Variants in PCP4L1 observed in about 807,000 individuals in gnomAD.
PCP4L1 encodes Purkinje cell protein 4-like protein 1.
Under a neutral mutation model 9.6 loss-of-function variants are expected in PCP4L1, and 9 were observed. The ratio of observed to expected loss-of-function variants is 0.94; its 90% confidence interval spans 0.57 to 1.64. The LOEUF is 1.64. PCP4L1 is among the 40% of genes most tolerant of loss of function. The pLI, the probability that PCP4L1 is intolerant of heterozygous loss-of-function variation, is 0.00. For missense variants in PCP4L1, 81 were observed against 80.8 expected (o/e 1.00, Z -0.01); for synonymous variants, 31 against 28.2 (o/e 1.10, Z -0.31).
chr1:161,269,522 T>A (rs991757270), intron 1 of PCP4L1, among the ~76,000 whole-genome samples: 1 of 152,092 alleles, frequency 6.6e-6, no homozygotes, highest in East Asian at 1.9e-4. Flanking sequence ...ATTTAAAAAA[T>A]TATTAGTGTA....
intron 1 of PCP4L1, among the ~76,000 whole-genome samples, chr1:161,262,503 TGAG>T (rs1329393372): frequency 2.0e-5 from 3 of 146,432 alleles, no homozygotes; most frequent in South Asian, 2.1e-4. Flanking sequence ...GTGAGGAAAA[TGAG>T]AACTTGCTCA....
At chr1:161,266,406 G>A (rs1295962516) in intron 1 of PCP4L1, among the ~76,000 whole-genome samples, 1 of 152,196 alleles carries the variant, frequency 6.6e-6, no homozygotes, top group Non-Finnish European at 1.5e-5. Flanking sequence ...CTCAGTGTGG[G>A]GTGAAGGCAC....
intron 1 of PCP4L1, 83 bp downstream of exon 1, chr1:161,259,066 G>C (rs1431302715): frequency 2.0e-6 from 3 of 1,502,190 alleles, no homozygotes; most frequent in Non-Finnish European, 2.7e-6. Flanking sequence ...AGGCGAGGGA[G>C]AGCGAGGCAG....
At chr1:161,283,837 T>C in intron 2 of PCP4L1, 115 bp downstream of exon 2, 1 of 1,078,690 alleles carries the variant, frequency 9.3e-7, no homozygotes, top group East Asian at 2.6e-5. Flanking sequence ...AGAATGTGGA[T>C]AAGTGAAACA....
At chr1:161,275,712 T>C (rs1669688063) in intron 1 of PCP4L1, among the ~76,000 whole-genome samples, 1 of 151,876 alleles carries the variant, frequency 6.6e-6, no homozygotes, top group South Asian at 2.1e-4. Flanking sequence ...CATGAGACTA[T>C]AGAACTTGCC....
chr1:161,260,714 C>G (rs1470176894), intron 1 of PCP4L1, among the ~76,000 whole-genome samples: 9 of 152,158 alleles, frequency 5.9e-5, no homozygotes, highest in Admixed American at 2.0e-4. Context: ...AAAGCCAAGT[C>G]CGCTCCCTCC....
At chr1:161,266,507 A>T (rs1244349842) in intron 1 of PCP4L1, among the ~76,000 whole-genome samples, 1 of 152,166 alleles carries the variant, frequency 6.6e-6, no homozygotes, top group Non-Finnish European at 1.5e-5. Context: ...CTGTTGACTC[A>T]CTGCATACCA....
At chr1:161,264,643 A>C (rs1669499667) in intron 1 of PCP4L1, among the ~76,000 whole-genome samples, 1 of 152,088 alleles carries the variant, frequency 6.6e-6, no homozygotes, top group Non-Finnish European at 1.5e-5. Context: ...AGCCTGGGCA[A>C]CATGACAAAA....
intron 1 of PCP4L1, among the ~76,000 whole-genome samples, chr1:161,282,115 A>ACCATTGAGC (rs1669830761): frequency 6.6e-6 from 1 of 151,688 alleles, no homozygotes; most frequent in Non-Finnish European, 1.5e-5. Context: ...CTGAGTGAAC[A>ACCATTGAGC]AGACTCCGTC....
At chr1:161,278,071 A>G (rs1396991577) in intron 1 of PCP4L1, among the ~76,000 whole-genome samples, 2 of 151,398 alleles carry the variant, frequency 1.3e-5, no homozygotes, top group Non-Finnish European at 3.0e-5. Flanking sequence ...CCTCTCCTGT[A>G]TCATCAGTTT....
intron 1 of PCP4L1, among the ~76,000 whole-genome samples, chr1:161,281,720 G>A (rs1669810641): frequency 1.4e-5 from 2 of 145,104 alleles, no homozygotes; most frequent in East Asian, 2.1e-4. Flanking sequence ...CGGGGCGGCC[G>A]GGCAGAGACG....
At chr1:161,276,763 A>ATTTTT (rs1227716178) in intron 1 of PCP4L1, among the ~76,000 whole-genome samples, 11 of 150,792 alleles carry the variant, frequency 7.3e-5, no homozygotes, top group Non-Finnish European at 1.6e-4. Context: ...ATGTATGTAT[A>ATTTTT]TATATAAAAA....
At chr1:161,275,180 A>C (rs1307278286) in intron 1 of PCP4L1, among the ~76,000 whole-genome samples, 1 of 152,110 alleles carries the variant, frequency 6.6e-6, no homozygotes, top group African/African-American at 2.4e-5. Context: ...TGATATGAGA[A>C]GGAATGTAGA....
chr1:161,262,666 GA>G (rs1340815516), intron 1 of PCP4L1, among the ~76,000 whole-genome samples: 4 of 152,112 alleles, frequency 2.6e-5, no homozygotes, highest in Non-Finnish European at 4.4e-5. Context: ...TTAGCTCTGA[GA>G]ATGTCATCTT....
intron 1 of PCP4L1, among the ~76,000 whole-genome samples, chr1:161,268,584 G>A (rs1216347103): frequency 4.5e-5 from 5 of 112,176 alleles, no homozygotes; most frequent in South Asian, 5.5e-4. Context: ...ATGGAGTCTC[G>A]CTCTTGTTGC....
chr1:161,270,829 C>G (rs1322742616), intron 1 of PCP4L1, among the ~76,000 whole-genome samples: 2 of 146,970 alleles, frequency 1.4e-5, no homozygotes, highest in Non-Finnish European at 3.0e-5. Flanking sequence ...GAGCTGAAAT[C>G]GTGCCACTGC....
chr1:161,272,006 A>G (rs1055025943), intron 1 of PCP4L1, among the ~76,000 whole-genome samples: 7 of 147,410 alleles, frequency 4.7e-5, no homozygotes, highest in South Asian at 2.2e-4. Flanking sequence ...GACAAAGTCT[A>G]TGTTGCCCAG....
intron 1 of PCP4L1, among the ~76,000 whole-genome samples, chr1:161,277,326 T>C (rs940187562): frequency 6.6e-6 from 1 of 152,236 alleles, no homozygotes; most frequent in Non-Finnish European, 1.5e-5. Context: ...TTTGGTCTTA[T>C]GGAGACAGTA....
In PCP4L1 at chr1:161,284,702, G is replaced by A. The variant is rs2102245208; in HGVS notation, c.*221G>A. 1.6e-6 allele frequency: 1 copy of A among 610,750 alleles called. No individual in the cohort carries two copies. Among genetic ancestry groups the A allele is most frequent in the South Asian group, 2.2e-5 (1 of 45,064 alleles). 37.8% of individuals were successfully genotyped at this position (610,750 alleles called of 1,614,324 possible). ...ATCAGCAGTCACTAGTCTAAGGGTG[G>A]AACAATTTCTTCTTGGTATAAGGTT... is the stretch of plus-strand genomic sequence containing the variant. On this transcript the variant is annotated 3_prime_UTR_variant, in exon 3 of 3. Transcript: ENST00000504449.
Sources: allele counts gnomAD v4.1 joint callset (sites outside exome capture counted in the v4.1 genomes callset), GRCh38; gene constraint gnomAD v4.1.1; transcripts MANE v1.5; gene names NCBI Gene and HGNC (gene_info 2026-07-23, HGNC 2026-07-21).